The following MTUS2 variants were observed in gnomAD, a reference collection of about 807,000 sequenced individuals.
MTUS2 encodes the protein microtubule associated scaffold protein 2.
A neutral mutation model predicts 114.1 loss-of-function variants in MTUS2; 40 were observed. The observed-to-expected ratio is 0.35, with a 90% CI of 0.27 to 0.46. The LOEUF (loss-of-function observed/expected upper bound fraction) is 0.46, where lower values mean the gene tolerates loss of function less well. MTUS2 is among the 20% of genes least tolerant of loss of function. MTUS2 has a pLI of 1.00. For missense variants in MTUS2, 1,679 were observed against 1,705.4 expected, an observed-to-expected ratio of 0.98 and a Z score of 0.27; for synonymous variants, 688 against 672.0, an observed-to-expected ratio of 1.02 and a Z score of -0.37.
intron 2 of MTUS2, among the ~76,000 whole-genome samples, chr13:28,978,834 G>C (rs1028754190): frequency 1.3e-5 from 2 of 152,154 alleles, no homozygotes; most frequent in Non-Finnish European, 2.9e-5. Context: ...CCCAGGTCTT[G>C]CCAGTGGTGC....
At chr13:29,424,088 A>G (rs865966051) in intron 8 of MTUS2, among the ~76,000 whole-genome samples, 2 of 151,660 alleles carry the variant, frequency 1.3e-5, no homozygotes, top group African/African-American at 4.9e-5. Flanking sequence ...GCTGGTCTCA[A>G]ACTCCTGACC....
intron 9 of MTUS2, among the ~76,000 whole-genome samples, chr13:29,475,612 A>G (rs2138866853): frequency 6.6e-6 from 1 of 152,274 alleles, no homozygotes; most frequent in Non-Finnish European, 1.5e-5. Context: ...TTACGCTAAT[A>G]TATGCATTTG....
At chr13:28,905,875 A>T (rs939660948) in intron 2 of MTUS2, among the ~76,000 whole-genome samples, 1 of 151,522 alleles carries the variant, frequency 6.6e-6, no homozygotes, top group East Asian at 1.9e-4. Flanking sequence ...CTGTGAATCC[A>T]TGTGGTCCTG....
intron 4 of MTUS2, among the ~76,000 whole-genome samples, chr13:29,075,593 C>CA (rs977227569): frequency 3.3e-5 from 5 of 152,132 alleles, no homozygotes; most frequent in Admixed American, 6.5e-5. Context: ...AAAGCCACAT[C>CA]AAAAAAATCA....
chr13:29,020,510 A>C (rs1886248726), intron 2 of MTUS2, among the ~76,000 whole-genome samples: 1 of 152,142 alleles, frequency 6.6e-6, no homozygotes. Context: ...GGAGTGAGGG[A>C]GACGCGTGAG....
Position 29,025,139 on chromosome 13 carries a change from G to C in MTUS2, c.441G>C (p.Leu147Phe). The C allele has an allele frequency of 6.2e-7, 1 of 1,613,950 alleles. No homozygotes were observed. Among genetic ancestry groups the C allele is most frequent in the Non-Finnish European group, 8.5e-7 (1 of 1,179,894 alleles). ...TGAGTGAGGCCAGTCTAGACGTTTT[G>C]GCTAAAAGGGATGCTGAAATTCCCC... Reference protein sequence around the residue: ...NVMSEASLDVLAKRDAEIPRH... With the variant: ...NVMSEASLDVFAKRDAEIPRH... Residue 147 changes from leucine (L) to phenylalanine (F), a missense_variant, in exon 3 of 16, where the codon TTG (leucine) becomes TTC (phenylalanine). By Grantham distance (22) the Leu-to-Phe change is conservative (BLOSUM62 0). This residue lies in a region of MTUS2 where 843 missense variants were observed against 770.8 expected (regional missense o/e 1.09). Coordinates refer to ENST00000612955, the MANE Select transcript of MTUS2 (RefSeq NM_001033602.4).
chr13:29,376,716 T>C (rs1871776056), intron 8 of MTUS2, among the ~76,000 whole-genome samples: 1 of 152,114 alleles, frequency 6.6e-6, no homozygotes, highest in Admixed American at 6.5e-5. Flanking sequence ...AACAGCAGAG[T>C]TTTGTAAAAT....
chr13:29,333,634 A>G (rs7992334), intron 7 of MTUS2, among the ~76,000 whole-genome samples: 40,091 of 152,070 alleles, frequency 0.26, 5,980 homozygotes, highest in African/African-American at 0.41. Context: ...GAATAAGTGT[A>G]ATGTGGTGCT....
intron 5 of MTUS2, among the ~76,000 whole-genome samples, chr13:29,128,673 G>T (rs1021848854): frequency 6.6e-6 from 1 of 152,070 alleles, no homozygotes; most frequent in Admixed American, 6.5e-5. Flanking sequence ...GGTAATTTTA[G>T]TTTTTTTCTT....
chr13:29,453,726 C>A (rs529120165), intron 9 of MTUS2, among the ~76,000 whole-genome samples: 2 of 152,038 alleles, frequency 1.3e-5, no homozygotes, highest in African/African-American at 4.8e-5. Context: ...ACAGGAAAAA[C>A]AGTGAAGACA....
At chr13:29,191,700 C>A (rs1231441802) in intron 5 of MTUS2, among the ~76,000 whole-genome samples, 3 of 152,174 alleles carry the variant, frequency 2.0e-5, no homozygotes, top group African/African-American at 7.2e-5. Flanking sequence ...TGTCAGCCCA[C>A]CATTCCCTGG....
At chr13:28,886,479 T>C (rs1196707287) in intron 2 of MTUS2, among the ~76,000 whole-genome samples, 1 of 151,856 alleles carries the variant, frequency 6.6e-6, no homozygotes, top group Non-Finnish European at 1.5e-5. Flanking sequence ...AGCTATGAGG[T>C]ATGAGAGGAA....
intron 2 of MTUS2, among the ~76,000 whole-genome samples, chr13:28,904,289 T>C (rs1353584370): frequency 6.6e-6 from 1 of 151,532 alleles, no homozygotes; most frequent in African/African-American, 2.4e-5. Context: ...TCAATTTTGT[T>C]GCCCTTGCTT....
At chr13:29,128,586 C>A (rs1891618031) in intron 5 of MTUS2, among the ~76,000 whole-genome samples, 1 of 152,156 alleles carries the variant, frequency 6.6e-6, no homozygotes, top group Non-Finnish European at 1.5e-5. Flanking sequence ...AAAGAACTGG[C>A]AATCTTTACA....
At chr13:29,214,977 T>C (rs2139298057) in intron 5 of MTUS2, among the ~76,000 whole-genome samples, 2 of 152,188 alleles carry the variant, frequency 1.3e-5, no homozygotes, top group East Asian at 3.9e-4. Context: ...TTCCATTCTT[T>C]CTGTCACTTT....
chr13:29,308,267 C>T (rs1056676120), intron 6 of MTUS2, among the ~76,000 whole-genome samples: 1 of 152,206 alleles, frequency 6.6e-6, no homozygotes, highest in Non-Finnish European at 1.5e-5. Flanking sequence ...CTCCAGCCAT[C>T]TGATCTTCAA....
At chr13:29,378,385 G>A (rs549121350) in intron 8 of MTUS2, among the ~76,000 whole-genome samples, 1 of 152,132 alleles carries the variant, frequency 6.6e-6, no homozygotes, top group South Asian at 2.1e-4. Context: ...AAACATATTT[G>A]TGCTCCGTGG....
chr13:28,962,873 G>A (rs1357692099), intron 2 of MTUS2, among the ~76,000 whole-genome samples: 1 of 152,104 alleles, frequency 6.6e-6, no homozygotes, highest in Non-Finnish European at 1.5e-5. Flanking sequence ...TGTCACTTTT[G>A]GGACTGGTGG....
intron 2 of MTUS2, among the ~76,000 whole-genome samples, chr13:28,967,164 T>G (rs1294836969): frequency 6.6e-6 from 1 of 152,220 alleles, no homozygotes; most frequent in East Asian, 1.9e-4. Context: ...AGGAGTCATA[T>G]GGAATGGTCA....
Sources: allele counts gnomAD v4.1 joint callset (sites outside exome capture counted in the v4.1 genomes callset), GRCh38; gene constraint gnomAD v4.1.1; regional missense constraint gnomAD v4.1.1; transcripts MANE v1.5; gene names NCBI Gene and HGNC (gene_info 2026-07-23, HGNC 2026-07-21).